The following SOX12 variants were observed in gnomAD, a reference collection of about 807,000 sequenced individuals.
The protein encoded by SOX12 is SRY-box transcription factor 12.
In SOX12, 8 loss-of-function variants were observed where a neutral mutation model predicts 21.5. That is an observed-to-expected ratio of 0.37 (90% CI 0.22 to 0.67). The LOEUF is 0.67. SOX12 is among the 30% of genes least tolerant of loss of function. SOX12 has a pLI of 0.56. For synonymous variants in SOX12, 235 were observed against 224.2 expected, an observed-to-expected ratio of 1.05 and a Z score of -0.43; for missense variants, 400 against 482.6, an observed-to-expected ratio of 0.83 and a Z score of 1.60.
rs1568505666 is a variant in SOX12 at position 328,719 on chromosome 20, A to C, written c.*1847A>C. 2 of 166,892 alleles carry C rather than the reference A, an allele frequency of 1.2e-5. No homozygotes were observed. The highest frequency in any genetic ancestry group is 2.9e-5 in the Non-Finnish European group (2 of 68,146). 10.3% of individuals were successfully genotyped at this position (166,892 alleles called of 1,614,324 possible). ...CTGATGCCAGGACTGAATAAAGTGTATTTGCCCCGACCTTGCCCTGTGGTT... is the reference window on the plus strand; with the variant it reads ...CTGATGCCAGGACTGAATAAAGTGTCTTTGCCCCGACCTTGCCCTGTGGTT... On this transcript the variant is annotated 3_prime_UTR_variant, in exon 1 of 1. Transcript: ENST00000342665.
At position 328,749 on chromosome 20, in the gene SOX12, A is replaced by C. The variant is rs2013148356; in HGVS notation, c.*1877A>C. On this transcript the variant is annotated 3_prime_UTR_variant, in exon 1 of 1. Transcript: ENST00000342665. ...CCCCGACCTTGCCCTGTGGTTCTGC[A>C]TGTCTGTGCTCTTCCTCAACCCTCC... is the stretch of plus-strand genomic sequence containing the variant. 6.0e-6 allele frequency: 1 copy of C among 167,138 alleles called. No homozygotes were observed. The highest frequency in any genetic ancestry group is 1.5e-5 in the Non-Finnish European group (1 of 68,188). The allele number at this position is 167,138 out of a possible 1,614,324, so 10.4% of individuals were successfully genotyped here.
In SOX12 at chr20:326,954, A is replaced by T; in HGVS notation, c.*82A>T. ...AGGTATTGGGGCCCCTCGGAGGCCG[A>T]GGCTGGCACCCCATCTCCCGCGCAG... On this transcript the variant is annotated 3_prime_UTR_variant, in exon 1 of 1. Transcript: ENST00000342665. The surrounding 1 kb of genome is among the most constrained non-coding windows in gnomAD (Gnocchi z 9.9). The T allele has an allele frequency of 7.3e-7, 1 of 1,362,470 alleles. No homozygotes were observed. Among genetic ancestry groups the T allele is most frequent in the South Asian group, 1.2e-5 (1 of 85,960 alleles). 84.4% of individuals were successfully genotyped at this position (1,362,470 alleles called of 1,614,324 possible).
chr20:326,940 C>A lies in SOX12; in HGVS notation c.*68C>A, dbSNP rs2013107444. The A allele has an allele frequency of 2.0e-6, 3 of 1,517,006 alleles. No homozygotes were observed. Among genetic ancestry groups the A allele is most frequent in the Non-Finnish European group, 2.7e-6 (3 of 1,093,538 alleles). 94.0% of individuals were successfully genotyped at this position (1,517,006 alleles called of 1,614,324 possible). ...TACATACAGGAATCAGGTATTGGGG[C>A]CCCTCGGAGGCCGAGGCTGGCACCC... On this transcript the variant is annotated 3_prime_UTR_variant, in exon 1 of 1. Transcript: ENST00000342665. The surrounding 1 kb of genome is among the most constrained non-coding windows in gnomAD (Gnocchi z 9.9).
chr20:329,831 G>A lies in SOX12; in HGVS notation c.*2959G>A, dbSNP rs2013164029. 1.8e-5 allele frequency: 3 copies of A among 167,204 alleles called. No individual in the cohort carries two copies. The East Asian group carries it at 5.8e-4, about 32-fold the overall frequency. The allele number at this position is 167,204 out of a possible 1,614,324, so 10.4% of individuals were successfully genotyped here. On this transcript the variant is annotated 3_prime_UTR_variant, in exon 1 of 1. Transcript: ENST00000342665. ...GTGACTGCTTCTTCTCAGCTTCTCT[G>A]GTTGAAAGCAAGCTGGCGAAGTAAG... is the stretch of plus-strand genomic sequence containing the variant.
Position 327,122 on chromosome 20 carries a change from AG to A in SOX12, c.*251del. ...CGTCGCCCCCTCCTGCACAGCCACC[AG>A]CAGCCAGCCCCCTCCGATACACCTC... On this transcript the variant is annotated 3_prime_UTR_variant, in exon 1 of 1. Coordinates refer to ENST00000342665, the MANE Select transcript of SOX12 (RefSeq NM_006943.4). 1.9e-6 allele frequency: 1 copy of A among 514,964 alleles called. No homozygotes were observed. The highest frequency in any genetic ancestry group is 3.5e-6 in the Non-Finnish European group (1 of 284,672). 31.9% of individuals were successfully genotyped at this position (514,964 alleles called of 1,614,324 possible). A position where few individuals can be genotyped will look rare whatever the true frequency, so the allele number is the denominator to read the frequency against.
In SOX12 at chr20:328,452, C is replaced by T. The variant is rs2013140967; in HGVS notation, c.*1580C>T. On this transcript the variant is annotated 3_prime_UTR_variant, in exon 1 of 1. Transcript: ENST00000342665. Reference sequence around the variant, plus strand: ...GTCTCTGCCCCACGCGTTCCCGTCGCTGACAAAGCCACCAGCTGCCTCCTT... The same window carrying T: ...GTCTCTGCCCCACGCGTTCCCGTCGTTGACAAAGCCACCAGCTGCCTCCTT... The T allele has an allele frequency of 6.0e-6, 1 of 166,900 alleles. No homozygotes were observed. The highest frequency in any genetic ancestry group is 1.5e-5 in the Non-Finnish European group (1 of 68,128). The allele number at this position is 166,900 out of a possible 1,614,324, so 10.3% of individuals were successfully genotyped here.
In SOX12 at chr20:327,317, GC is replaced by G; in HGVS notation, c.*449del. 4.9e-6 allele frequency: 1 copy of G among 203,466 alleles called. No individual in the cohort carries two copies. The highest frequency in any genetic ancestry group is 1.1e-5 in the Non-Finnish European group (1 of 90,964). The allele number at this position is 203,466 out of a possible 1,614,324, so 12.6% of individuals were successfully genotyped here. ...GGGTGGCAACGCACGCGCCTCCTGC[GC>G]CCCTCCCTTCCCTGGGGGGAGGGGC... On this transcript the variant is annotated 3_prime_UTR_variant, in exon 1 of 1. Transcript: ENST00000342665.
chr20:326,338 C>A lies in SOX12; in HGVS notation c.414C>A (p.Pro138=). The part of the protein sequence containing the change: ...GGSGGGSRLK[P]GPQLPGRGGR... ...GCGGTGGCGGCAGCCGGCTCAAGCC[C>A]GGGCCGCAGCTGCCTGGCCGCGGGG... is the stretch of plus-strand genomic sequence containing the variant. The change falls in exon 1 of 1, where the codon CCC becomes CCA. Residue 138 remains proline, a synonymous_variant. Transcript: ENST00000342665. This position sits in a 1 kb window ranked among gnomAD's most constrained non-coding sequence, Gnocchi z 9.9. 3.8e-6 allele frequency: 5 copies of A among 1,312,482 alleles called. No homozygotes were observed. The highest frequency in any genetic ancestry group is 4.8e-6 in the Non-Finnish European group (5 of 1,031,842). 81.3% of individuals were successfully genotyped at this position (1,312,482 alleles called of 1,614,324 possible). A position where few individuals can be genotyped will look rare whatever the true frequency, so the allele number is the denominator to read the frequency against.
rs767885882 is a variant in SOX12 at position 326,722 on chromosome 20, C to G, written c.798C>G (p.Asp266Glu). The G allele has an allele frequency of 1.9e-6, 3 of 1,607,516 alleles. No individual in the cohort carries two copies. The highest frequency in any genetic ancestry group is 1.1e-5 in the South Asian group (1 of 90,400). Residue 266 changes from aspartate to glutamate, a missense_variant, in exon 1 of 1, where the codon GAC becomes GAG. Around this residue, in one of 4 missense-constraint regions of SOX12, gnomAD observed 235 missense variants for 219.3 expected, o/e 1.07. Coordinates refer to ENST00000342665, the MANE Select transcript of SOX12 (RefSeq NM_006943.4). The surrounding 1 kb of genome is among the most constrained non-coding windows in gnomAD (Gnocchi z 9.9). Reference sequence around the variant, plus strand: ...TGCCCCCTGGCCCGGCCGGCCTGGACTGCAGCGCCCTGGATCGCGACCCGG... The same window carrying G: ...TGCCCCCTGGCCCGGCCGGCCTGGAGTGCAGCGCCCTGGATCGCGACCCGG... ...SRLPPGPAGL[D>E]CSALDRDPDL...
rs955102292 is a variant in SOX12 at position 329,036 on chromosome 20, G to C, written c.*2164G>C. ...GCAGTCCACAGTGGCCAGGTGGCCA[G>C]ATTTTTCAAGAAAAGCTGGATGGAT... On this transcript the variant is annotated 3_prime_UTR_variant, in exon 1 of 1. Transcript: ENST00000342665. 12 of 167,082 alleles carry C rather than the reference G, an allele frequency of 7.2e-5. No individual in the cohort carries two copies. Among genetic ancestry groups the C allele is most frequent in the Admixed American group, 1.3e-4 (2 of 15,290 alleles). 10.3% of individuals were successfully genotyped at this position (167,082 alleles called of 1,614,324 possible).
chr20:328,569 G>GAA lies in SOX12; in HGVS notation c.*1706_*1707dup. The GAA allele has an allele frequency of 7.1e-6, 1 of 140,678 alleles. No individual in the cohort carries two copies. The allele number at this position is 140,678 out of a possible 1,614,324, so 8.7% of individuals were successfully genotyped here. Reference sequence around the variant, plus strand: ...AACAACAACAACAAAAAAAGACAATGAAAAAAAAAACGTCATGTGAGTGAA... The same window carrying GAA: ...AACAACAACAACAAAAAAAGACAATGAAAAAAAAAAAACGTCATGTGAGTGAA... On this transcript the variant is annotated 3_prime_UTR_variant, in exon 1 of 1. Coordinates refer to ENST00000342665, the MANE Select transcript of SOX12 (RefSeq NM_006943.4).
Position 326,515 on chromosome 20 carries a change from G to A in SOX12, c.591G>A (p.Arg197=). Reference sequence around the variant, plus strand: ...TGGTCCCGGCGGGACGGGCCGCTCGGGGACAAGCGGAGCGCGCCCAAGGGC... The same window carrying A: ...TGGTCCCGGCGGGACGGGCCGCTCGAGGACAAGCGGAGCGCGCCCAAGGGC... ...WRMVPAGRAA[R]GQAERAQGPS... is the part of the protein sequence containing the mutation. The change falls in exon 1 of 1, where the codon CGG becomes CGA. Residue 197 remains arginine, a synonymous_variant. Coordinates refer to ENST00000342665, the MANE Select transcript of SOX12 (RefSeq NM_006943.4). This position sits in a 1 kb window ranked among gnomAD's most constrained non-coding sequence, Gnocchi z 9.9. 1 of 1,454,704 alleles carries A rather than the reference G, an allele frequency of 6.9e-7. No individual in the cohort carries two copies. The highest frequency in any genetic ancestry group is 9.0e-7 in the Non-Finnish European group (1 of 1,116,714). The allele number at this position is 1,454,704 out of a possible 1,614,324, so 90.1% of individuals were successfully genotyped here.
rs1459142259 is a variant in SOX12, at chr20:326,300, C to A, written c.376C>A (p.Pro126Thr). 3 of 1,414,368 alleles carry A rather than the reference C, an allele frequency of 2.1e-6. No individual in the cohort carries two copies. The highest frequency in any genetic ancestry group is 2.8e-6 in the Non-Finnish European group (3 of 1,079,980). The allele number at this position is 1,414,368 out of a possible 1,614,324, so 87.6% of individuals were successfully genotyped here. Residue 126 changes from proline to threonine, a missense_variant, in exon 1 of 1, where the codon CCC becomes ACC. By Grantham distance (38) the Pro-to-Thr change is conservative. Coordinates refer to ENST00000342665, the MANE Select transcript of SOX12 (RefSeq NM_006943.4). This position sits in a 1 kb window ranked among gnomAD's most constrained non-coding sequence, Gnocchi z 9.9. The stretch of plus-strand genomic sequence containing the variant: ...GGCGCCCGCCAAGGCGCGGCCCCGC[C>A]CCCCCGGTGGTAGCGGTGGCGGCAG... ...KGAPAKARPR[P>T]PGGSGGGSRL...
rs2013113921 is a variant in SOX12, at chr20:327,132, C to T, written c.*260C>T. ...TCCTGCACAGCCACCAGCAGCCAGC[C>T]CCCTCCGATACACCTCCCGTCCTCT... On this transcript the variant is annotated 3_prime_UTR_variant, in exon 1 of 1. Transcript: ENST00000342665. 1.1e-5 allele frequency: 6 copies of T among 557,424 alleles called. No homozygotes were observed. The highest frequency in any genetic ancestry group is 9.5e-5 in the Admixed American group (3 of 31,680). 34.5% of individuals were successfully genotyped at this position (557,424 alleles called of 1,614,324 possible). A position where few individuals can be genotyped will look rare whatever the true frequency, so the allele number is the denominator to read the frequency against.
chr20:326,500 G>A lies in SOX12; in HGVS notation c.576G>A (p.Ala192=), dbSNP rs921509695. ...GGGAGCTGTGGAGGATGGTCCCGGC[G>A]GGACGGGCCGCTCGGGGACAAGCGG... is the stretch of plus-strand genomic sequence containing the variant. ...PGRELWRMVP[A]GRAARGQAER... is the part of the protein sequence containing the mutation. Residue 192 remains alanine, a synonymous_variant, in exon 1 of 1, where the codon GCG becomes GCA. Coordinates refer to ENST00000342665, the MANE Select transcript of SOX12 (RefSeq NM_006943.4). The surrounding 1 kb of genome is among the most constrained non-coding windows in gnomAD (Gnocchi z 9.9). 25 of 1,435,592 alleles carry A rather than the reference G, an allele frequency of 1.7e-5. No homozygotes were observed. Among genetic ancestry groups the A allele is most frequent in the Admixed American group, 1.3e-4 (4 of 31,630 alleles). 88.9% of individuals were successfully genotyped at this position (1,435,592 alleles called of 1,614,324 possible). A position where few individuals can be genotyped will look rare whatever the true frequency, so the allele number is the denominator to read the frequency against.
rs200145209 is a variant in SOX12 at position 326,650 on chromosome 20, G to A, written c.726G>A (p.Glu242=). Residue 242 remains glutamate (E), a synonymous_variant, in exon 1 of 1, where the codon GAG becomes GAA. Coordinates refer to ENST00000342665, the MANE Select transcript of SOX12 (RefSeq NM_006943.4). The surrounding 1 kb of genome is among the most constrained non-coding windows in gnomAD (Gnocchi z 9.9). Reference sequence around the variant, plus strand: ...CGGCAGCGGCTGAGGAAGGTGAAGAGGAGACGGTGGCGTCGGGGGAGGAGT... The same window carrying A: ...CGGCAGCGGCTGAGGAAGGTGAAGAAGAGACGGTGGCGTCGGGGGAGGAGT... ...EEAAAAEEGE[E]ETVASGEESL... 1.3e-4 allele frequency: 201 copies of A among 1,551,254 alleles called. 3 individuals are homozygous for A. In the East Asian group the frequency reaches 4.9e-3, roughly 38 times the overall value.
Position 326,095 on chromosome 20 carries a change from G to A in SOX12, c.171G>A (p.Lys57=). The change falls in exon 1 of 1, where the codon AAG becomes AAA. Residue 57 remains lysine (K), a synonymous_variant. Transcript: ENST00000342665. The surrounding 1 kb of genome is among the most constrained non-coding windows in gnomAD (Gnocchi z 9.9). ...FMVWSQHERR[K]IMDQWPDMHN... ...TGTGGTCGCAGCACGAACGGCGGAA[G>A]ATCATGGACCAGTGGCCCGACATGC... is the stretch of plus-strand genomic sequence containing the variant. 2 of 1,602,518 alleles carry A rather than the reference G, an allele frequency of 1.2e-6. No homozygotes were observed. The highest frequency in any genetic ancestry group is 8.5e-7 in the Non-Finnish European group (1 of 1,175,022).
chr20:326,812 C>G lies in SOX12; in HGVS notation c.888C>G (p.Thr296=). The G allele has an allele frequency of 1.2e-6, 2 of 1,613,654 alleles. No individual in the cohort carries two copies. Among genetic ancestry groups the G allele is most frequent in the South Asian group, 1.1e-5 (1 of 91,084 alleles). The stretch of plus-strand genomic sequence containing the variant: ...CGGACTACTGCACCCCCGAGGTTAC[C>G]GAGATGATCGCGGGGGACTGGCGCC... ...EFPDYCTPEV[T]EMIAGDWRPS... Residue 296 remains threonine, a synonymous_variant, in exon 1 of 1, where the codon ACC becomes ACG. Coordinates refer to ENST00000342665, the MANE Select transcript of SOX12 (RefSeq NM_006943.4). The surrounding 1 kb of genome is among the most constrained non-coding windows in gnomAD (Gnocchi z 9.9).
In SOX12 at chr20:326,746, G is replaced by C; in HGVS notation, c.822G>C (p.Pro274=). Reference sequence around the variant, plus strand: ...ACTGCAGCGCCCTGGATCGCGACCCGGACCTGCAGCCTCCCTCGGGCACGT... The same window carrying C: ...ACTGCAGCGCCCTGGATCGCGACCCCGACCTGCAGCCTCCCTCGGGCACGT... ...GLDCSALDRD[P]DLQPPSGTSH... is the part of the protein sequence containing the mutation. Residue 274 remains proline (P), a synonymous_variant, in exon 1 of 1, where the codon CCG becomes CCC. Transcript: ENST00000342665. The surrounding 1 kb of genome is among the most constrained non-coding windows in gnomAD (Gnocchi z 9.9). 6.2e-7 allele frequency: 1 copy of C among 1,610,288 alleles called. No individual in the cohort carries two copies. The highest frequency in any genetic ancestry group is 8.5e-7 in the Non-Finnish European group (1 of 1,178,310).
Sources: allele counts gnomAD v4.1 joint callset, GRCh38; gene constraint gnomAD v4.1.1; regional missense constraint gnomAD v4.1.1; non-coding constraint Gnocchi (gnomAD v3.1); transcripts MANE v1.5; gene names NCBI Gene and HGNC (gene_info 2026-07-23, HGNC 2026-07-21).